HEATR5B: variants seen among roughly 807,000 people sequenced by gnomAD.
HEATR5B encodes the protein HEAT repeat-containing protein 5B.
HEATR5B carries 156 observed loss-of-function variants against 224.1 expected under a neutral mutation model. The observed-to-expected ratio is 0.70, with a 90% CI of 0.61 to 0.80. The LOEUF is 0.80. Among genes scored for constraint, HEATR5B ranks in the 30% least tolerant of loss-of-function variants. The probability of loss-of-function intolerance (pLI) is 0.00; values close to 1 mark genes in which losing one functional copy is unlikely to be tolerated. For missense variants in HEATR5B, 2,323 were observed against 2,535.5 expected, an observed-to-expected ratio of 0.92 and a Z score of 1.80; for synonymous variants, 1,027 against 893.0, an observed-to-expected ratio of 1.15 and a Z score of -2.68.
At chr2:37,044,525 T>C (rs1226900098) in intron 18 of HEATR5B, among the ~76,000 whole-genome samples, 1 of 152,252 alleles carries the variant, frequency 6.6e-6, no homozygotes, top group Non-Finnish European at 1.5e-5. Flanking sequence ...TAATTGTGGA[T>C]ACTTTCCAGT....
intron 17 of HEATR5B, among the ~76,000 whole-genome samples, chr2:37,053,131 A>G (rs893258936): frequency 6.6e-6 from 1 of 152,238 alleles, no homozygotes; most frequent in African/African-American, 2.4e-5. Flanking sequence ...CATTCTTTCA[A>G]TTATGTAACA....
intron 17 of HEATR5B, among the ~76,000 whole-genome samples, chr2:37,052,111 G>T (rs1407910318): frequency 6.6e-6 from 1 of 152,102 alleles, no homozygotes; most frequent in Non-Finnish European, 1.5e-5. Context: ...TATGACTTAA[G>T]CATGACCTAA....
Position 37,032,742 on chromosome 2 carries a change from C to T in HEATR5B, c.3248G>A (p.Arg1083Gln). The T allele has an allele frequency of 1.2e-6, 2 of 1,613,848 alleles. No homozygotes were observed. Among genetic ancestry groups the T allele is most frequent in the Non-Finnish European group, 1.7e-6 (2 of 1,179,922 alleles). The change falls in exon 22 of 36, where the codon CGA becomes CAA. Residue 1083 changes from arginine to glutamine, a missense_variant. By Grantham distance (43) the Arg-to-Gln change is conservative. Coordinates refer to ENST00000233099, the MANE Select transcript of HEATR5B (RefSeq NM_019024.3). ...CCGAAGACATGCCACAGCTGCTCGT[C>T]GAAGTAACAAATGGGAACTACATAA... ...VHLCSSHLLLRRAAVACLRQL... is the reference protein window; with the variant it reads ...VHLCSSHLLLQRAAVACLRQL...
At chr2:37,008,175 T>G in intron 28 of HEATR5B, 1 of 167,530 alleles carries the variant, frequency 6.0e-6, no homozygotes, top group South Asian at 1.5e-4. Flanking sequence ...CAGAAAAAAA[T>G]GTTGACGATT....
intron 33 of HEATR5B, among the ~76,000 whole-genome samples, chr2:36,996,625 CTT>C (rs1208269982): frequency 6.6e-6 from 1 of 151,784 alleles, no homozygotes; most frequent in East Asian, 1.9e-4. Context: ...GAGTTTTGCT[CTT>C]GTTGCCCAGG....
At chr2:37,011,268 C>T (rs1421988325) in intron 27 of HEATR5B, among the ~76,000 whole-genome samples, 1 of 152,128 alleles carries the variant, frequency 6.6e-6, no homozygotes, top group African/African-American at 2.4e-5. Flanking sequence ...AGCTTACAGG[C>T]AGAGGGAACA....
intron 26 of HEATR5B, among the ~76,000 whole-genome samples, chr2:37,018,667 C>T (rs1219944409): frequency 6.6e-6 from 1 of 152,166 alleles, no homozygotes. Flanking sequence ...TCACATGAAG[C>T]TTGGCCATGG....
chr2:36,994,155 T>C (rs962678201), intron 33 of HEATR5B, among the ~76,000 whole-genome samples: 2 of 152,128 alleles, frequency 1.3e-5, no homozygotes, highest in Non-Finnish European at 2.9e-5. Context: ...ATATTAACAA[T>C]AATGATATGT....
intron 34 of HEATR5B, among the ~76,000 whole-genome samples, chr2:36,989,586 T>C (rs1008741144): frequency 1.3e-5 from 2 of 152,172 alleles, no homozygotes; most frequent in African/African-American, 2.4e-5. Flanking sequence ...TCCCTGGAAA[T>C]GACTGTTAAC....
intron 16 of HEATR5B, 26 bp from the exon 17 acceptor site, chr2:37,053,633 CATT>C: frequency 7.1e-7 from 1 of 1,413,878 alleles, no homozygotes; most frequent in Non-Finnish European, 9.9e-7. Context: ...AAAAAAATCA[CATT>C]AGTGACAAAT....
rs781214412 is a variant in HEATR5B, at chr2:37,008,793, G to C, written c.4340C>G (p.Ala1447Gly). The change falls in exon 28 of 36, where the codon GCA (alanine) becomes GGA (glycine). Residue 1447 changes from alanine (A) to glycine (G), a missense_variant. Transcript: ENST00000233099. The part of the protein sequence containing the change: ...KKEAESKPKR[A>G]IKNTDDDDDD... The stretch of plus-strand genomic sequence containing the variant: ...ATCATCATCGTCAGTATTTTTAATT[G>C]CTCTTTTTGGTTTTGACTCTGCTTC... The C allele has an allele frequency of 1.2e-6, 2 of 1,613,892 alleles. No individual in the cohort carries two copies. Among genetic ancestry groups the C allele is most frequent in the Non-Finnish European group, 1.7e-6 (2 of 1,179,912 alleles).
At chr2:36,983,781 T>C (rs937030808) in intron 35 of HEATR5B, among the ~76,000 whole-genome samples, 1 of 151,988 alleles carries the variant, frequency 6.6e-6, no homozygotes, top group East Asian at 1.9e-4. Context: ...AAAAATAAAG[T>C]AGAGAATTAT....
intron 26 of HEATR5B, among the ~76,000 whole-genome samples, chr2:37,018,658 C>T (rs1310447398): frequency 6.6e-6 from 1 of 152,154 alleles, no homozygotes; most frequent in Non-Finnish European, 1.5e-5. Flanking sequence ...GCATAGAGGT[C>T]ACATGAAGCT....
intron 26 of HEATR5B, among the ~76,000 whole-genome samples, chr2:37,014,969 G>A (rs540278797): frequency 1.3e-5 from 2 of 151,522 alleles, no homozygotes; most frequent in Non-Finnish European, 1.5e-5. Flanking sequence ...GCGAGACTTT[G>A]TCTCAAAAGA....
Position 36,996,163 on chromosome 2 carries a change from C to T in HEATR5B, c.5545+4423G>A, listed in dbSNP as rs1036202291. 5.2e-4 allele frequency among the ~76,000 whole-genome samples: 79 copies of T among 151,274 alleles called. 1 individual carries two copies. Among genetic ancestry groups the T allele is most frequent in the Admixed American group, 1.3e-4 (2 of 15,108 alleles). ...ACAACCTCCACCTCCCAGGTTCAAG[C>T]GATTCTTCTGCCTCAGCCTCCTGAG... On this transcript the variant is annotated intron_variant, in intron 33 of 35. Coordinates refer to ENST00000233099, the MANE Select transcript of HEATR5B (RefSeq NM_019024.3).
In HEATR5B at chr2:36,988,850, TG is replaced by T. The variant is rs1313575099; in HGVS notation, c.5706del (p.Lys1903AsnfsTer25). The T allele has an allele frequency of 3.1e-6, 5 of 1,613,784 alleles. No homozygotes were observed. The highest frequency in any genetic ancestry group is 1.3e-5 in the African/African-American group (1 of 75,056). On this transcript the variant is annotated frameshift_variant, in exon 35 of 36. Transcript: ENST00000233099. LOFTEE classifies it high-confidence loss of function. ...ACTGAGAGGAGAAGCTGGTAACATT[TG>T]GCTTGAACCTATATAAGAAGAACAT... Reference protein sequence around the residue: ...ALNSCDPWVQAKCYQLLLSVF... With the variant: ...ALNSCDPWVQXKCYQLLLSVF...
intron 24 of HEATR5B, among the ~76,000 whole-genome samples, chr2:37,026,961 C>A (rs956445042): frequency 6.6e-6 from 1 of 152,106 alleles, no homozygotes; most frequent in Non-Finnish European, 1.5e-5. Context: ...AGGACGCCCA[C>A]TAATTTGTTG....
Position 37,013,923 on chromosome 2 carries a change from G to T in HEATR5B, c.4202C>A (p.Ala1401Asp). 6.2e-7 allele frequency: 1 copy of T among 1,613,144 alleles called. No individual in the cohort carries two copies. The change falls in exon 27 of 36, where the codon GCT becomes GAT. Residue 1401 changes from alanine to aspartate, a missense_variant. Ala to Asp is a moderately radical substitution (Grantham distance 126). Around this residue, in one of 12 missense-constraint regions of HEATR5B, gnomAD observed 844 missense variants for 812.9 expected, o/e 1.04. Coordinates refer to ENST00000233099, the MANE Select transcript of HEATR5B (RefSeq NM_019024.3). ...CAGCTGGCTGGAAGATCCTTTTCCA[G>T]CCTGAACTTTGTCCAGAGAAGAAAC... ...LLVSSLDKVQ[A>D]GKGSSSQLYR... is the part of the protein sequence containing the mutation.
At chr2:37,054,188 C>G (rs1572898168) in intron 16 of HEATR5B, among the ~76,000 whole-genome samples, 2 of 105,748 alleles carry the variant, frequency 1.9e-5, no homozygotes, top group South Asian at 6.2e-4. Context: ...TAGATGATTT[C>G]TCTGTTTTTT....
Sources: gnomAD v4.1 joint callset for allele counts (sites outside exome capture counted in the v4.1 genomes callset) on GRCh38, gnomAD v4.1.1 for gene constraint, gnomAD v4.1.1 regional missense constraint, MANE v1.5 for transcripts, NCBI Gene and HGNC (gene_info 2026-07-23, HGNC 2026-07-21) for gene names.